FOXN2: variants seen among roughly 807,000 people sequenced by gnomAD.
FOXN2 encodes the protein forkhead box N2.
A neutral mutation model predicts 41.2 loss-of-function variants in FOXN2; 19 were observed. The ratio of observed to expected loss-of-function variants is 0.46; its 90% CI spans 0.32 to 0.68. The LOEUF (loss-of-function observed/expected upper bound fraction) is 0.68. Among genes scored for constraint, FOXN2 ranks in the 30% least tolerant of loss-of-function variants. FOXN2 has a pLI of 0.03. For synonymous variants in FOXN2, 195 were observed against 176.8 expected, an observed-to-expected ratio of 1.10 and a Z score of -0.82; for missense variants, 587 against 509.4, an observed-to-expected ratio of 1.15 and a Z score of -1.47.
At chr2:48,357,906 A>G (rs76390426) in intron 3 of FOXN2, among the ~76,000 whole-genome samples, 11,932 of 150,414 alleles carry the variant, frequency 0.079, 615 homozygotes, top group Non-Finnish European at 0.12. Context: ...CTTTTTTAGT[A>G]TAGTTAATGT....
At chr2:48,341,155 G>T (rs1670739029) in intron 2 of FOXN2, among the ~76,000 whole-genome samples, 1 of 151,986 alleles carries the variant, frequency 6.6e-6, no homozygotes, top group Non-Finnish European at 1.5e-5. Context: ...GTAATAAAAA[G>T]AAATGTTACA....
In FOXN2 at chr2:48,373,390, A is replaced by T. The variant is rs192843585; in HGVS notation, c.772+30A>T. 6.9e-4 allele frequency: 911 copies of T among 1,328,230 alleles called. 5 individuals are homozygous for T. In the African/African-American group the frequency reaches 0.012, roughly 18 times the overall value. 82.3% of individuals were successfully genotyped at this position (1,328,230 alleles called of 1,614,324 possible). On this transcript the variant is annotated intron_variant, in intron 6 of 6. Transcript: ENST00000340553. The stretch of plus-strand genomic sequence containing the variant: ...GTAATCATGCCTTTTTTAAAAAAAA[A>T]TTTTAGTGCCTTTTCAAATTTAACC...
At chr2:48,320,910 A>G (rs1669271440) in intron 1 of FOXN2, among the ~76,000 whole-genome samples, 1 of 152,074 alleles carries the variant, frequency 6.6e-6, no homozygotes, top group Non-Finnish European at 1.5e-5. Flanking sequence ...ATTTCCTGGG[A>G]CTCAAGGAGG....
At chr2:48,358,124 T>TA (rs1426694151) in intron 3 of FOXN2, among the ~76,000 whole-genome samples, 2 of 152,286 alleles carry the variant, frequency 1.3e-5, no homozygotes, top group African/African-American at 4.8e-5. Flanking sequence ...CGTTTTTTTT[T>TA]ACCACCTAAC....
intron 1 of FOXN2, among the ~76,000 whole-genome samples, chr2:48,322,942 A>G (rs1242825915): frequency 6.6e-6 from 1 of 150,742 alleles, no homozygotes; most frequent in Non-Finnish European, 1.5e-5. Flanking sequence ...GTGGGATTCA[A>G]TCTCTTAAAA....
At chr2:48,324,149 G>C (rs1669513026) in intron 1 of FOXN2, among the ~76,000 whole-genome samples, 1 of 151,388 alleles carries the variant, frequency 6.6e-6, no homozygotes, top group Admixed American at 6.6e-5. Flanking sequence ...GGAAAACATA[G>C]TATAACGCAT....
chr2:48,373,073 T>C lies in FOXN2; in HGVS notation c.704-219T>C, dbSNP rs114096953. 6.9e-3 allele frequency among the ~76,000 whole-genome samples: 1,056 copies of C among 152,250 alleles called. 5 individuals carry two copies. Among genetic ancestry groups the C allele is most frequent in the Non-Finnish European group, 0.011 (742 of 67,972 alleles). On this transcript the variant is annotated intron_variant, in intron 5 of 6. Coordinates refer to ENST00000340553, the MANE Select transcript of FOXN2 (RefSeq NM_002158.4). ...TTATTTCTGGTATCTCTCCATCTCT[T>C]TTACACTGTATTGTTCACAAAACTG... is the stretch of plus-strand genomic sequence containing the variant.
intron 2 of FOXN2, among the ~76,000 whole-genome samples, chr2:48,342,847 A>G (rs1268414992): frequency 6.6e-6 from 1 of 152,172 alleles, no homozygotes; most frequent in African/African-American, 2.4e-5. Context: ...GTTTTTAATA[A>G]TGTCAATACT....
rs1671202273 is a variant in FOXN2 at position 48,347,686 on chromosome 2, A to G, written c.537+935A>G. Among the ~76,000 whole-genome samples the G allele has an allele frequency of 3.3e-5, 5 of 152,140 alleles. No homozygotes were observed. In the South Asian group the frequency reaches 1.0e-3, roughly 31 times the overall value. ...CCTTCAAATAATATTATACCATTTC[A>G]CGTAACTGGCTCTTTACAGAAAAAG... On this transcript the variant is annotated intron_variant, in intron 3 of 6. Transcript: ENST00000340553.
chr2:48,371,739 G>A (rs191483588), intron 5 of FOXN2, among the ~76,000 whole-genome samples: 1 of 152,186 alleles, frequency 6.6e-6, no homozygotes, highest in East Asian at 1.9e-4. Context: ...AGTATGGGAT[G>A]TCTGTTTGTA....
intron 2 of FOXN2, among the ~76,000 whole-genome samples, chr2:48,340,227 A>T (rs537464747): frequency 6.6e-6 from 1 of 152,338 alleles, no homozygotes; most frequent in East Asian, 1.9e-4. Context: ...TCACTGTGAC[A>T]CATCTAATTC....
At chr2:48,346,058 T>G (rs1671075880) in intron 2 of FOXN2, 143 bp from the exon 3 acceptor site, 3 of 657,410 alleles carry the variant, frequency 4.6e-6, no homozygotes, top group African/African-American at 3.6e-5. Context: ...GTATCTTCAT[T>G]ATACAAATGT....
At chr2:48,321,851 A>G (rs1429778039) in intron 1 of FOXN2, among the ~76,000 whole-genome samples, 1 of 152,210 alleles carries the variant, frequency 6.6e-6, no homozygotes, top group Non-Finnish European at 1.5e-5. Flanking sequence ...AAAAAAATAC[A>G]TTTCTTATTG....
chr2:48,339,454 A>G (rs953764452), intron 2 of FOXN2, among the ~76,000 whole-genome samples: 3 of 152,112 alleles, frequency 2.0e-5, no homozygotes, highest in African/African-American at 7.2e-5. Flanking sequence ...GAAGAAGGAC[A>G]TTTTTGCTTC....
At chr2:48,350,587 T>C (rs562057311) in intron 3 of FOXN2, among the ~76,000 whole-genome samples, 16 of 152,336 alleles carry the variant, frequency 1.1e-4, no homozygotes, top group Non-Finnish European at 1.9e-4. Flanking sequence ...CCTACACCAC[T>C]ATCTGATCTT....
At chr2:48,330,895 A>G (rs1054477933) in intron 2 of FOXN2, among the ~76,000 whole-genome samples, 3 of 152,224 alleles carry the variant, frequency 2.0e-5, no homozygotes, top group African/African-American at 7.2e-5. Flanking sequence ...TCTGTAGGCT[A>G]GATGCTGCCA....
At chr2:48,322,128 A>G (rs1372946675) in intron 1 of FOXN2, among the ~76,000 whole-genome samples, 1 of 152,034 alleles carries the variant, frequency 6.6e-6, no homozygotes, top group Non-Finnish European at 1.5e-5. Flanking sequence ...TTGTATTTTT[A>G]GTAGAGATGG....
At position 48,374,719 on chromosome 2, in the gene FOXN2, C is replaced by G. The variant is rs572194299; in HGVS notation, c.773-201C>G. On this transcript the variant is annotated intron_variant, in intron 6 of 6. Transcript: ENST00000340553. ...ATAGTTACATATGCTATAGAAAAGTCAAGACATTGTTAAATGGTTTTTAAA... is the reference window on the plus strand; with the variant it reads ...ATAGTTACATATGCTATAGAAAAGTGAAGACATTGTTAAATGGTTTTTAAA... Among the ~76,000 whole-genome samples the G allele has an allele frequency of 3.0e-4, 45 of 152,128 alleles. No homozygotes were observed. The South Asian group carries it at 9.3e-3, about 32-fold the overall frequency.
chr2:48,330,137 A>G (rs967340351), intron 2 of FOXN2, among the ~76,000 whole-genome samples: 4 of 152,126 alleles, frequency 2.6e-5, no homozygotes, highest in African/African-American at 9.6e-5. Flanking sequence ...GTATCTATAA[A>G]CTGCTAAAAT....
Sources: allele counts gnomAD v4.1 joint callset (sites outside exome capture counted in the v4.1 genomes callset), GRCh38; gene constraint gnomAD v4.1.1; transcripts MANE v1.5; gene names NCBI Gene and HGNC (gene_info 2026-07-23, HGNC 2026-07-21).